The following CLIP2 variants were observed in gnomAD, a reference collection of about 807,000 sequenced individuals.
CLIP2 encodes CAP-Gly domain containing linker protein 2, also known as CAP-Gly domain-containing linker protein 2.
CLIP2 carries 41 observed loss-of-function variants against 111.7 expected under a neutral mutation model. That is an observed-to-expected ratio of 0.37 (90% CI 0.29 to 0.48). CLIP2 has a LOEUF of 0.48. Ranked by LOEUF, CLIP2 falls within the 20% of genes least tolerant of loss-of-function variation. The pLI is 0.99. For missense variants in CLIP2, 1,160 were observed against 1,422.1 expected, an observed-to-expected ratio of 0.82 and a Z score of 2.96; for synonymous variants, 660 against 644.2, an observed-to-expected ratio of 1.02 and a Z score of -0.37.
intron 14 of CLIP2, among the ~76,000 whole-genome samples, chr7:74,399,332 G>T (rs957912370): frequency 6.6e-6 from 1 of 152,052 alleles, no homozygotes; most frequent in Admixed American, 6.6e-5. Flanking sequence ...GAGGTCAGGA[G>T]TTCGAGACCA....
chr7:74,345,296 G>A (rs187358429), intron 3 of CLIP2, among the ~76,000 whole-genome samples: 3 of 151,968 alleles, frequency 2.0e-5, no homozygotes, highest in Non-Finnish European at 4.4e-5. Context: ...GTATAGTGGC[G>A]CGATCTCGAC....
At chr7:74,322,791 C>T (rs1046292813) in intron 2 of CLIP2, among the ~76,000 whole-genome samples, 1 of 152,032 alleles carries the variant, frequency 6.6e-6, no homozygotes, top group South Asian at 2.1e-4. Flanking sequence ...AGTGCAGTGG[C>T]GCGATCTTGG....
At chr7:74,353,070 A>C (rs1397487520) in intron 3 of CLIP2, among the ~76,000 whole-genome samples, 1 of 152,008 alleles carries the variant, frequency 6.6e-6, no homozygotes, top group African/African-American at 2.4e-5. Flanking sequence ...AGGATTGCTT[A>C]AGCCCAAGAG....
chr7:74,347,267 T>C (rs1348798092), intron 3 of CLIP2, among the ~76,000 whole-genome samples: 2 of 151,874 alleles, frequency 1.3e-5, no homozygotes, highest in African/African-American at 4.8e-5. Flanking sequence ...GAAGTGAACA[T>C]GTGTATTCTT....
intron 8 of CLIP2, among the ~76,000 whole-genome samples, chr7:74,372,271 A>G (rs1342653666): frequency 1.3e-5 from 2 of 151,764 alleles, no homozygotes; most frequent in Non-Finnish European, 1.5e-5. Context: ...GTGGGCAGCA[A>G]TGGGGCCCGG....
At position 74,386,579 on chromosome 7, in the gene CLIP2, C is replaced by G. The variant is rs145862106; in HGVS notation, c.2538C>G (p.Thr846=). The G allele has an allele frequency of 6.2e-6, 10 of 1,610,450 alleles. No homozygotes were observed. The Admixed American group carries it at 1.4e-4, about 22-fold the overall frequency. The change falls in exon 12 of 17, where the codon ACC becomes ACG. Residue 846 remains threonine, a synonymous_variant. Transcript: ENST00000223398. ...DKEVTALTSQ[T]EMLRAQVSAL... ...AGGTGACAGCCTTGACCTCCCAGAC[C>G]GAGATGCTCAGGGCCCAAGTAAGTG... is the stretch of plus-strand genomic sequence containing the variant.
At chr7:74,346,904 T>C (rs907565710) in intron 3 of CLIP2, among the ~76,000 whole-genome samples, 3 of 151,888 alleles carry the variant, frequency 2.0e-5, no homozygotes, top group Non-Finnish European at 2.9e-5. Context: ...TCAAGTGTGG[T>C]GTCGCATGCC....
At chr7:74,311,929 AAAAG>A (rs1346893621) in intron 1 of CLIP2, among the ~76,000 whole-genome samples, 14 of 138,264 alleles carry the variant, frequency 1.0e-4, no homozygotes, top group Non-Finnish European at 1.4e-4. Context: ...AAAAAAAAAA[AAAAG>A]AAAGAAAGAA....
chr7:74,303,055 C>T (rs1331885960), intron 1 of CLIP2, among the ~76,000 whole-genome samples: 2 of 152,182 alleles, frequency 1.3e-5, no homozygotes, highest in African/African-American at 4.8e-5. Context: ...GTACAGACAG[C>T]CGGGCACCCT....
At chr7:74,394,970 CT>C (rs1791406007) in intron 13 of CLIP2, among the ~76,000 whole-genome samples, 1 of 152,144 alleles carries the variant, frequency 6.6e-6, no homozygotes, top group South Asian at 2.1e-4. Context: ...CTCGATAGAA[CT>C]TTCTGGAGTT....
chr7:74,397,098 G>T lies in CLIP2; in HGVS notation c.2745G>T (p.Leu915Phe). The T allele has an allele frequency of 6.2e-7, 1 of 1,613,852 alleles. No homozygotes were observed. Among genetic ancestry groups the T allele is most frequent in the Non-Finnish European group, 8.5e-7 (1 of 1,179,936 alleles). ...KERSLNELRVLLLEANRHSPG... is the reference protein window; with the variant it reads ...KERSLNELRVFLLEANRHSPG... ...GGAGCCTGAACGAACTGCGGGTGTT[G>T]CTGCTGGAGGCCAATCGTCACTCCC... Residue 915 changes from leucine to phenylalanine, a missense_variant, in exon 14 of 17, where the codon TTG (leucine) becomes TTT (phenylalanine). Transcript: ENST00000223398.
chr7:74,399,193 G>T (rs1038371321), intron 14 of CLIP2, among the ~76,000 whole-genome samples: 4 of 152,000 alleles, frequency 2.6e-5, no homozygotes, highest in African/African-American at 9.7e-5. Flanking sequence ...GCCATGGTGG[G>T]GGTGACTATG....
chr7:74,326,895 C>T (rs1789126754), intron 2 of CLIP2, among the ~76,000 whole-genome samples: 1 of 151,778 alleles, frequency 6.6e-6, no homozygotes, highest in Non-Finnish European at 1.5e-5. Flanking sequence ...CTCGGCCTCC[C>T]AAAGTGCTAG....
At chr7:74,341,349 T>C (rs782371201) in intron 3 of CLIP2, among the ~76,000 whole-genome samples, 3 of 150,702 alleles carry the variant, frequency 2.0e-5, no homozygotes, top group Admixed American at 6.6e-5. Context: ...CATCACGCCC[T>C]GCTAATTTTT....
At chr7:74,349,261 T>A (rs1382074026) in intron 3 of CLIP2, among the ~76,000 whole-genome samples, 1 of 150,860 alleles carries the variant, frequency 6.6e-6, no homozygotes, top group Non-Finnish European at 1.5e-5. Context: ...AAAAACCCCG[T>A]CTCTACTAAA....
At chr7:74,353,685 G>A (rs1265397693) in intron 3 of CLIP2, among the ~76,000 whole-genome samples, 195 bp from the exon 4 acceptor site, 1 of 152,208 alleles carries the variant, frequency 6.6e-6, no homozygotes, top group Non-Finnish European at 1.5e-5. Flanking sequence ...GCCCTTGCCT[G>A]TGTCAGCCCT....
intron 8 of CLIP2, 75 bp from the exon 9 acceptor site, chr7:74,372,857 G>A: frequency 1.3e-6 from 1 of 774,050 alleles, no homozygotes; most frequent in Non-Finnish European, 2.1e-6. Flanking sequence ...TCTCTCTCCG[G>A]CTTCTTCTTC....
At chr7:74,384,870 C>T (rs1791043184) in intron 11 of CLIP2, among the ~76,000 whole-genome samples, 1 of 151,912 alleles carries the variant, frequency 6.6e-6, no homozygotes, top group African/African-American at 2.4e-5. Context: ...AGGCTGGGCG[C>T]AGTGGCTCAC....
At chr7:74,293,923 T>G (rs113234425) in intron 1 of CLIP2, among the ~76,000 whole-genome samples, 35,074 of 146,332 alleles carry the variant, frequency 0.24, 5,427 homozygotes, top group African/African-American at 0.46. Flanking sequence ...TTTTTTTTTG[T>G]TTTTTTTTTT....
Sources: allele counts gnomAD v4.1 joint callset (sites outside exome capture counted in the v4.1 genomes callset), GRCh38; gene constraint gnomAD v4.1.1; transcripts MANE v1.5; gene names NCBI Gene and HGNC (gene_info 2026-07-23, HGNC 2026-07-21).